DOCK8: variants seen among roughly 807,000 people sequenced by gnomAD.
DOCK8 encodes the protein dedicator of cytokinesis 8.
In DOCK8, 141 loss-of-function variants were observed where a neutral mutation model predicts 245.6. The observed-to-expected ratio is 0.57, with a 90% confidence interval of 0.50 to 0.66. The LOEUF (loss-of-function observed/expected upper bound fraction) is 0.66, where lower values mean the gene tolerates loss of function less well. DOCK8 is among the 30% of genes least tolerant of loss of function. The probability of loss-of-function intolerance (pLI) is 0.00; values close to 1 mark genes in which losing one functional copy is unlikely to be tolerated. For missense variants in DOCK8, 2,965 were observed against 2,603.4 expected, an observed-to-expected ratio of 1.14 and a Z score of -3.02; for synonymous variants, 1,168 against 970.2, an observed-to-expected ratio of 1.20 and a Z score of -3.79.
At chr9:333,761 T>C (rs2051170055) in intron 10 of DOCK8, among the ~76,000 whole-genome samples, 1 of 152,180 alleles carries the variant, frequency 6.6e-6, no homozygotes, top group African/African-American at 2.4e-5. Context: ...GGAAGTATTG[T>C]AAACTTCCTA....
chr9:401,965 G>A (rs2055132183), intron 26 of DOCK8, among the ~76,000 whole-genome samples: 1 of 152,154 alleles, frequency 6.6e-6, no homozygotes, highest in South Asian at 2.1e-4. Context: ...GGACCCACCA[G>A]AATAGAATGG....
Position 400,967 on chromosome 9 carries a change from T to TATCA in DOCK8, c.3234+1708_3234+1709insATCA. On this transcript the variant is annotated intron_variant, in intron 26 of 47. Coordinates refer to ENST00000432829, the MANE Select transcript of DOCK8 (RefSeq NM_203447.4). ...CACCATCACCACCACCACCACCACC[T>TATCA]CCTCCACCATCACCACCTCCTCCAC... 4.7e-3 allele frequency among the ~76,000 whole-genome samples: 198 copies of TATCA among 42,358 alleles called. 83 individuals are homozygous for TATCA. In the African/African-American group the frequency reaches 0.086, roughly 18 times the overall value. 27.8% of individuals were successfully genotyped at this position (42,358 alleles called of 152,430 possible). A position where few individuals can be genotyped will look rare whatever the true frequency, so the allele number is the denominator to read the frequency against.
rs114268975 is a variant in DOCK8, at chr9:274,044, T to C, written c.156+2315T>C. On this transcript the variant is annotated intron_variant, in intron 2 of 47. Coordinates refer to ENST00000432829, the MANE Select transcript of DOCK8 (RefSeq NM_203447.4). ...TTAATGCCACAGCCTTAAATTTTCT[T>C]TCAGGAGAAATTATTTTATGTAAAG... is the stretch of plus-strand genomic sequence containing the variant. Among the ~76,000 whole-genome samples the C allele has an allele frequency of 1.8e-3, 281 of 152,288 alleles. 1 individual carries two copies. Among genetic ancestry groups the C allele is most frequent in the African/African-American group, 6.4e-3 (265 of 41,544 alleles).
Position 315,495 on chromosome 9 carries a change from C to T in DOCK8, c.742-1548C>T, listed in dbSNP as rs182570527. On this transcript the variant is annotated intron_variant, in intron 6 of 47. Transcript: ENST00000432829. ...TTGAGACAGTCAGGGAAATTTGAAA[C>T]TGACAAAAATTATTTAGTGGCAATA... 3.3e-5 allele frequency among the ~76,000 whole-genome samples: 5 copies of T among 152,250 alleles called. No individual in the cohort carries two copies. The East Asian group carries it at 5.8e-4, about 18-fold the overall frequency.
chr9:463,483 A>C, intron 46 of DOCK8, 34 bp from the exon 47 acceptor site: 2 of 1,613,518 alleles, frequency 1.2e-6, no homozygotes, highest in East Asian at 4.5e-5. Context: ...CTTCAAAGTC[A>C]TTTATTTCTC....
chr9:223,846 C>T (rs1416268685), intron 1 of DOCK8, among the ~76,000 whole-genome samples: 2 of 151,862 alleles, frequency 1.3e-5, no homozygotes, highest in East Asian at 3.9e-4. Flanking sequence ...TTTCTGTTCT[C>T]CCTGCTGCTC....
chr9:246,176 G>A (rs2047501672), intron 1 of DOCK8, among the ~76,000 whole-genome samples: 1 of 151,926 alleles, frequency 6.6e-6, no homozygotes, highest in African/African-American at 2.4e-5. Context: ...CTGAGACTGT[G>A]CCACTGCACT....
intron 39 of DOCK8, among the ~76,000 whole-genome samples, chr9:437,002 G>A (rs1365316186): frequency 2.0e-5 from 3 of 152,168 alleles, no homozygotes; most frequent in African/African-American, 7.2e-5. Flanking sequence ...TGATGTAGAG[G>A]AGGCAATGAG....
At chr9:354,664 T>G (rs1887527) in intron 14 of DOCK8, among the ~76,000 whole-genome samples, 1 of 152,028 alleles carries the variant, frequency 6.6e-6, no homozygotes. Context: ...AGCTCACTCA[T>G]GTGGCTGTTG....
In DOCK8 at chr9:433,903, G is replaced by A. The variant is rs201519202; in HGVS notation, c.4814G>A (p.Ser1605Asn). 9 of 1,613,944 alleles carry A rather than the reference G, an allele frequency of 5.6e-6. No homozygotes were observed. In the African/African-American group the frequency reaches 9.3e-5, roughly 17 times the overall value. Residue 1605 changes from serine to asparagine, a missense_variant, in exon 38 of 48, where the codon AGC becomes AAC. Coordinates refer to ENST00000432829, the MANE Select transcript of DOCK8 (RefSeq NM_203447.4). The part of the protein sequence containing the change: ...QVEELLCNLN[S>N]ILYDTVKMRE... ...GAGGAACTTCTCTGTAATCTGAATAGCATCTTATATGACACAGTGAAAATG... is the reference window on the plus strand; with the variant it reads ...GAGGAACTTCTCTGTAATCTGAATAACATCTTATATGACACAGTGAAAATG...
At chr9:313,711 T>C (rs1018535018) in intron 6 of DOCK8, among the ~76,000 whole-genome samples, 2 of 152,206 alleles carry the variant, frequency 1.3e-5, no homozygotes, top group African/African-American at 4.8e-5. Context: ...TTAATAATAA[T>C]GTGTTACATA....
chr9:273,288 T>C (rs2129971797), intron 2 of DOCK8, among the ~76,000 whole-genome samples: 1 of 152,354 alleles, frequency 6.6e-6, no homozygotes, highest in African/African-American at 2.4e-5. Flanking sequence ...ATTTGTACTT[T>C]TCCTGTGTTT....
intron 14 of DOCK8, among the ~76,000 whole-genome samples, chr9:346,514 G>T (rs1161716790): frequency 1.3e-5 from 2 of 152,196 alleles, no homozygotes; most frequent in African/African-American, 4.8e-5. Context: ...GCCACATAAA[G>T]TACGTTTTCA....
chr9:377,067 G>T lies in DOCK8; in HGVS notation c.2296G>T (p.Glu766Ter). Residue 766 changes from glutamate to a stop codon, truncating the protein, a stop_gained, in exon 20 of 48, where the codon GAG becomes TAG. Coordinates refer to ENST00000432829, the MANE Select transcript of DOCK8 (RefSeq NM_203447.4). LOFTEE classifies it high-confidence loss of function. ...CCGCGTGCTGGATCAGAAAATCAGCGAGATGGCGCTGGAGCATGAGCTGAA... is the reference window on the plus strand; with the variant it reads ...CCGCGTGCTGGATCAGAAAATCAGCTAGATGGCGCTGGAGCATGAGCTGAA... ...PIRVLDQKIS[E>*]MALEHELKLS... 1 of 1,613,432 alleles carries T rather than the reference G, an allele frequency of 6.2e-7. No individual in the cohort carries two copies. Among genetic ancestry groups the T allele is most frequent in the Non-Finnish European group, 8.5e-7 (1 of 1,180,000 alleles).
intron 26 of DOCK8, among the ~76,000 whole-genome samples, chr9:404,479 G>A (rs747229361): frequency 1.1e-4 from 16 of 152,088 alleles, no homozygotes; most frequent in African/African-American, 1.7e-4. Flanking sequence ...TAGAAACTAC[G>A]AGAGAACACT....
chr9:403,966 A>ACG (rs2055283397), intron 26 of DOCK8, among the ~76,000 whole-genome samples: 3 of 72,736 alleles, frequency 4.1e-5, no homozygotes, highest in African/African-American at 3.1e-4. Flanking sequence ...ATATGTATAT[A>ACG]TATATATATG....
intron 1 of DOCK8, among the ~76,000 whole-genome samples, chr9:237,132 T>C (rs991451332): frequency 2.0e-5 from 3 of 152,256 alleles, no homozygotes; most frequent in Non-Finnish European, 4.4e-5. Context: ...ATTACCAAAA[T>C]GTTCCATAAA....
At chr9:276,013 C>G (rs1223409810) in intron 2 of DOCK8, among the ~76,000 whole-genome samples, 1 of 152,104 alleles carries the variant, frequency 6.6e-6, no homozygotes, top group Non-Finnish European at 1.5e-5. Context: ...GACTTAGCAT[C>G]CTGAGTAGCT....
intron 1 of DOCK8, among the ~76,000 whole-genome samples, chr9:266,119 A>G (rs1388229586): frequency 6.6e-6 from 1 of 152,174 alleles, no homozygotes; most frequent in Non-Finnish European, 1.5e-5. Context: ...AACTTCTTTT[A>G]CGAATTTTTT....
Sources: allele counts gnomAD v4.1 joint callset (sites outside exome capture counted in the v4.1 genomes callset), GRCh38; gene constraint gnomAD v4.1.1; transcripts MANE v1.5; gene names NCBI Gene and HGNC (gene_info 2026-07-23, HGNC 2026-07-21).